The following MTA3 variants were observed in gnomAD, a reference collection of about 807,000 sequenced individuals.
MTA3 encodes metastasis-associated protein MTA3.
A neutral mutation model predicts 83.5 loss-of-function variants in MTA3; 34 were observed. That is an observed-to-expected ratio of 0.41 (90% CI 0.31 to 0.54). The LOEUF is 0.54. MTA3 is among the 20% of genes least tolerant of loss of function. The pLI is 0.33. For missense variants in MTA3, 761 were observed against 726.4 expected (o/e 1.05, Z -0.55); for synonymous variants, 303 against 252.7 (o/e 1.20, Z -1.89).
At chr2:42,612,232 C>G (rs1035279540) in intron 4 of MTA3, among the ~76,000 whole-genome samples, 2 of 152,114 alleles carry the variant, frequency 1.3e-5, no homozygotes, top group African/African-American at 4.8e-5. Flanking sequence ...TATCGATTGA[C>G]TGTGCGGGAT....
chr2:42,599,319 C>T (rs996326151), intron 3 of MTA3, among the ~76,000 whole-genome samples: 42 of 152,222 alleles, frequency 2.8e-4, no homozygotes, highest in South Asian at 4.2e-4. Context: ...CCGGGCGCGG[C>T]GGCTTATGCC....
At chr2:42,593,102 G>A (rs1470160379) in intron 3 of MTA3, among the ~76,000 whole-genome samples, 5 of 151,760 alleles carry the variant, frequency 3.3e-5, no homozygotes, top group South Asian at 4.1e-4. Flanking sequence ...GCAGTGAGCC[G>A]AGATCATGTC....
At chr2:42,712,435 G>T (rs1666702139) in intron 14 of MTA3, among the ~76,000 whole-genome samples, 2 of 152,204 alleles carry the variant, frequency 1.3e-5, no homozygotes, top group South Asian at 4.2e-4. Context: ...GGGACTATGG[G>T]TGTGGCCCAC....
chr2:42,600,863 C>G (rs544389508), intron 3 of MTA3, among the ~76,000 whole-genome samples: 2 of 151,936 alleles, frequency 1.3e-5, no homozygotes, highest in East Asian at 3.9e-4. Context: ...TCTTTTACAT[C>G]TTTTATTTGC....
chr2:42,727,054 G>A (rs1292706274), intron 16 of MTA3, among the ~76,000 whole-genome samples: 2 of 152,144 alleles, frequency 1.3e-5, no homozygotes, highest in African/African-American at 4.8e-5. Flanking sequence ...AAATTAGCTG[G>A]ATGTAGTGGC....
intron 2 of MTA3, among the ~76,000 whole-genome samples, chr2:42,574,706 G>A (rs1006128051): frequency 2.6e-5 from 4 of 152,130 alleles, no homozygotes; most frequent in East Asian, 1.9e-4. Flanking sequence ...GATTACAGGC[G>A]TGAACCACTG....
At chr2:42,660,750 A>G (rs1437017334) in intron 8 of MTA3, among the ~76,000 whole-genome samples, 1 of 152,250 alleles carries the variant, frequency 6.6e-6, no homozygotes, top group Non-Finnish European at 1.5e-5. Flanking sequence ...ATGGAATACA[A>G]TATGGGTTTT....
intron 16 of MTA3, among the ~76,000 whole-genome samples, chr2:42,739,244 T>TCTCAAGC (rs1450821610): frequency 6.6e-6 from 1 of 152,052 alleles, no homozygotes; most frequent in African/African-American, 2.4e-5. Context: ...TCCCTTTATT[T>TCTCAAGC]CTCAAGCCAG....
At chr2:42,568,248 T>C (rs536239636), upstream of MTA3, 6 of 153,686 alleles carry the variant, frequency 3.9e-5, no homozygotes, top group African/African-American at 1.4e-4. Context: ...GGACCTGTCT[T>C]GGGGTGGACA....
intron 2 of MTA3, among the ~76,000 whole-genome samples, chr2:42,503,955 C>G (rs780855989): frequency 1.4e-5 from 2 of 144,018 alleles, no homozygotes; most frequent in East Asian, 2.0e-4. Context: ...TGGAGTTTCC[C>G]TCTTGTCACC....
chr2:42,618,952 G>A (rs965032807), intron 4 of MTA3, among the ~76,000 whole-genome samples: 1 of 152,120 alleles, frequency 6.6e-6, no homozygotes, highest in African/African-American at 2.4e-5. Context: ...GCTCACTGCT[G>A]GATTTTGGCA....
chr2:42,616,760 G>T (rs770724915), intron 4 of MTA3, among the ~76,000 whole-genome samples: 42 of 151,408 alleles, frequency 2.8e-4, no homozygotes, highest in Non-Finnish European at 5.7e-4. Context: ...TGTATTTTTT[G>T]TAGAGACGGG....
At chr2:42,711,711 T>G (rs1666623194) in intron 14 of MTA3, among the ~76,000 whole-genome samples, 2 of 151,878 alleles carry the variant, frequency 1.3e-5, no homozygotes, top group African/African-American at 4.8e-5. Context: ...TTAGGGAGAT[T>G]AGGTATTAAT....
intron 16 of MTA3, among the ~76,000 whole-genome samples, chr2:42,727,350 A>G (rs1011803517): frequency 6.6e-6 from 1 of 152,194 alleles, no homozygotes; most frequent in Non-Finnish European, 1.5e-5. Context: ...CTTTCTCCCT[A>G]GGATGTCGGT....
chr2:42,638,931 G>C (rs1220941110), intron 4 of MTA3, among the ~76,000 whole-genome samples: 2 of 150,496 alleles, frequency 1.3e-5, no homozygotes, highest in Non-Finnish European at 3.0e-5. Context: ...GTTGCAAAAT[G>C]TTTAGCAAGC....
intron 2 of MTA3, among the ~76,000 whole-genome samples, chr2:42,575,764 A>G (rs1326405254): frequency 6.6e-6 from 1 of 152,242 alleles, no homozygotes; most frequent in Non-Finnish European, 1.5e-5. Context: ...CTTGAGGCAC[A>G]TAGTAGCTAA....
At chr2:42,600,895 TTTTTTTC>T (rs1308108066) in intron 3 of MTA3, among the ~76,000 whole-genome samples, 3 of 152,072 alleles carry the variant, frequency 2.0e-5, no homozygotes, top group South Asian at 2.1e-4. Context: ...TGTCTCTGGA[TTTTTTTC>T]TTTTTTCTTT....
intron 2 of MTA3, among the ~76,000 whole-genome samples, chr2:42,511,246 A>G (rs1674880837): frequency 6.6e-6 from 1 of 151,458 alleles, no homozygotes; most frequent in Non-Finnish European, 1.5e-5. Flanking sequence ...CAGTAATTGC[A>G]TTTTTCTCCA....
upstream of MTA3, among the ~76,000 whole-genome samples, chr2:42,565,787 T>A (rs1280053185): frequency 6.6e-6 from 1 of 152,064 alleles, no homozygotes; most frequent in Non-Finnish European, 1.5e-5. Context: ...GCAGATCACT[T>A]GAGGTCAGGA....
Sources: allele counts gnomAD v4.1 joint callset (sites outside exome capture counted in the v4.1 genomes callset), GRCh38; gene constraint gnomAD v4.1.1; transcripts MANE v1.5; gene names NCBI Gene and HGNC (gene_info 2026-07-23, HGNC 2026-07-21).